Variants in VWA8 observed in about 807,000 individuals in gnomAD.
VWA8 encodes von Willebrand factor A domain-containing protein 8.
A neutral mutation model predicts 241.5 loss-of-function variants in VWA8; 221 were observed. The ratio of observed to expected loss-of-function variants is 0.91; its 90% CI spans 0.82 to 1.02. The LOEUF is 1.02. Ranked by LOEUF, VWA8 falls within the 50% of genes least tolerant of loss-of-function variation. The probability of loss-of-function intolerance (pLI) is 0.00; values close to 1 mark genes in which losing one functional copy is unlikely to be tolerated. For synonymous variants in VWA8, 852 were observed against 827.1 expected (o/e 1.03, Z -0.52); for missense variants, 2,322 against 2,328.7 (o/e 1.00, Z 0.06).
rs576881123 is a variant in VWA8 at position 41,813,796 on chromosome 13, TATCA to T, written c.1948-2460_1948-2457del. Among the ~76,000 whole-genome samples the T allele has an allele frequency of 9.1e-4, 138 of 152,270 alleles. 1 individual carries two copies. The highest frequency in any genetic ancestry group is 6.8e-3 in the Middle Eastern group (2 of 294). ...TTGGTAATCTCTGCTCTCACATTAT[TATCA>T]ATTAAAAATTGAGAGTATACTTTAA... On this transcript the variant is annotated intron_variant, in intron 16 of 44. Transcript: ENST00000379310.
intron 24 of VWA8, among the ~76,000 whole-genome samples, chr13:41,722,174 G>A (rs982687947): frequency 4.6e-5 from 7 of 152,110 alleles, no homozygotes; most frequent in Non-Finnish European, 7.3e-5. Context: ...TGTATCTTGT[G>A]CAGATTGATA....
chr13:41,667,044 G>A (rs957529440), intron 37 of VWA8, among the ~76,000 whole-genome samples: 4 of 152,164 alleles, frequency 2.6e-5, no homozygotes, highest in African/African-American at 9.7e-5. Context: ...ATGTATAAGA[G>A]TAAACTATGC....
chr13:41,888,556 C>T (rs1485999725), intron 5 of VWA8, among the ~76,000 whole-genome samples: 2 of 152,142 alleles, frequency 1.3e-5, no homozygotes, highest in Non-Finnish European at 1.5e-5. Flanking sequence ...CCTTTTCACT[C>T]GCACACCGTA....
Position 41,761,223 on chromosome 13 carries a change from C to G in VWA8, c.2350-19G>C. ...CTACACCCTGTAATTACACAGAAAACATTAAACAAAAAGAGGCTATTTTCT... is the reference window on the plus strand; with the variant it reads ...CTACACCCTGTAATTACACAGAAAAGATTAAACAAAAAGAGGCTATTTTCT... On this transcript the variant is annotated intron_variant, in intron 20 of 44. Transcript: ENST00000379310. 1 of 1,606,238 alleles carries G rather than the reference C, an allele frequency of 6.2e-7. No homozygotes were observed. Among genetic ancestry groups the G allele is most frequent in the East Asian group, 2.2e-5 (1 of 44,658 alleles).
chr13:41,586,466 T>A (rs2044418832), intron 42 of VWA8, among the ~76,000 whole-genome samples: 1 of 152,196 alleles, frequency 6.6e-6, no homozygotes, highest in Admixed American at 6.5e-5. Flanking sequence ...CGGCAACCCA[T>A]AGCATTCATT....
intron 20 of VWA8, among the ~76,000 whole-genome samples, chr13:41,768,901 GC>G (rs2045798318): frequency 7.5e-6 from 1 of 133,974 alleles, no homozygotes; most frequent in Admixed American, 8.0e-5. Context: ...ATAAAACAAT[GC>G]CTTTTTTTTT....
In VWA8 at chr13:41,662,792, G is replaced by A. The variant is rs148006612; in HGVS notation, c.4611+8154C>T. On this transcript the variant is annotated intron_variant, in intron 37 of 44. Transcript: ENST00000379310. ...ATGTTGAATAGGAATGGTGAGCATGGTCATTGCCTTATTCCCAGCATTACA... is the reference window on the plus strand; with the variant it reads ...ATGTTGAATAGGAATGGTGAGCATGATCATTGCCTTATTCCCAGCATTACA... 2.6e-5 allele frequency among the ~76,000 whole-genome samples: 4 copies of A among 152,150 alleles called. No individual in the cohort carries two copies. In the East Asian group the frequency reaches 7.7e-4, roughly 29 times the overall value.
chr13:41,778,326 T>A (rs898674371), intron 19 of VWA8, among the ~76,000 whole-genome samples: 4 of 152,124 alleles, frequency 2.6e-5, no homozygotes, highest in African/African-American at 9.7e-5. Context: ...CTCAAATATT[T>A]TTTTACCTAT....
At position 41,835,896 on chromosome 13, in the gene VWA8, T is replaced by TA. The variant is rs562054647; in HGVS notation, c.1426-2366dup. Among the ~76,000 whole-genome samples the TA allele has an allele frequency of 9.8e-4, 149 of 152,084 alleles. 1 individual carries two copies. The highest frequency in any genetic ancestry group is 3.1e-3 in the Admixed American group (47 of 15,286). Reference sequence around the variant, plus strand: ...TACATCACACATTACCTTGGAAAAGTAAAAAAAGAAACAGAAAACACAGTT... The same window carrying TA: ...TACATCACACATTACCTTGGAAAAGTAAAAAAAAGAAACAGAAAACACAGTT... On this transcript the variant is annotated intron_variant, in intron 12 of 44. Transcript: ENST00000379310.
chr13:41,582,230 G>C (rs2044387477), intron 42 of VWA8, among the ~76,000 whole-genome samples: 1 of 152,130 alleles, frequency 6.6e-6, no homozygotes, highest in Non-Finnish European at 1.5e-5. Flanking sequence ...TCTTGCTCTA[G>C]GGTCCCTGTG....
At chr13:41,620,905 G>C (rs2044653107) in intron 37 of VWA8, among the ~76,000 whole-genome samples, 1 of 152,170 alleles carries the variant, frequency 6.6e-6, no homozygotes, top group Admixed American at 6.5e-5. Flanking sequence ...CAGAAACTAA[G>C]GAGGTTAAAC....
intron 37 of VWA8, among the ~76,000 whole-genome samples, chr13:41,617,539 G>A (rs565507351): frequency 2.6e-5 from 4 of 152,104 alleles, no homozygotes; most frequent in African/African-American, 7.2e-5. Flanking sequence ...TGCACAACGT[G>A]CAGGTTTGTT....
At chr13:41,572,806 A>G (rs1193628296) in intron 43 of VWA8, among the ~76,000 whole-genome samples, 1 of 149,810 alleles carries the variant, frequency 6.7e-6, no homozygotes, top group African/African-American at 2.4e-5. Context: ...CTAAAAAAAA[A>G]AAAAAAAAAA....
intron 9 of VWA8, among the ~76,000 whole-genome samples, chr13:41,870,445 C>G (rs1873538805): frequency 1.3e-5 from 2 of 152,016 alleles, no homozygotes; most frequent in Admixed American, 1.3e-4. Flanking sequence ...TCAAGACCAG[C>G]CTGGCCAACA....
intron 17 of VWA8, among the ~76,000 whole-genome samples, chr13:41,793,455 G>C (rs1298996385): frequency 1.3e-5 from 2 of 152,144 alleles, no homozygotes; most frequent in African/African-American, 4.8e-5. Flanking sequence ...CTGACTGATT[G>C]AATGTGTCCT....
rs371311733 is a variant in VWA8, at chr13:41,587,604, G to A, written c.5179C>T (p.Arg1727Cys). The A allele has an allele frequency of 2.0e-5, 33 of 1,614,026 alleles. No homozygotes were observed. The highest frequency in any genetic ancestry group is 1.0e-4 in the Admixed American group (6 of 60,004). ...LVVDVSGSMY[R>C]FNRMDGRLER... Reference sequence around the variant, plus strand: ...AGCCGGCCATCCATCCTGTTGAAACGGTACATGCTACCAGACACATCTACC... The same window carrying A: ...AGCCGGCCATCCATCCTGTTGAAACAGTACATGCTACCAGACACATCTACC... Residue 1727 changes from arginine to cysteine, a missense_variant, in exon 42 of 45, where the codon CGT (arginine) becomes TGT (cysteine). Transcript: ENST00000379310.
intron 3 of VWA8, among the ~76,000 whole-genome samples, chr13:41,909,199 T>C (rs908419102): frequency 2.6e-5 from 4 of 152,108 alleles, no homozygotes; most frequent in Non-Finnish European, 4.4e-5. Flanking sequence ...GCTGGGACTA[T>C]AGGCATATGC....
chr13:41,856,235 C>T (rs1338637507), intron 12 of VWA8, among the ~76,000 whole-genome samples: 1 of 152,102 alleles, frequency 6.6e-6, no homozygotes, highest in African/African-American at 2.4e-5. Flanking sequence ...ACTCGGATGG[C>T]TAAGATATGA....
intron 39 of VWA8, 125 bp downstream of exon 39, chr13:41,611,451 G>T: frequency 7.6e-7 from 1 of 1,315,836 alleles, no homozygotes; most frequent in Non-Finnish European, 1.0e-6. Flanking sequence ...GTGGATTTCA[G>T]TTTGAGGTCC....
Sources: allele counts gnomAD v4.1 joint callset (sites outside exome capture counted in the v4.1 genomes callset), GRCh38; gene constraint gnomAD v4.1.1; transcripts MANE v1.5; gene names NCBI Gene and HGNC (gene_info 2026-07-23, HGNC 2026-07-21).